Variants in NCLN observed in about 807,000 individuals in gnomAD.
The protein encoded by NCLN is nicalin, also known as BOS complex subunit NCLN.
NCLN carries 34 observed loss-of-function variants against 69.5 expected under a neutral mutation model. That is an observed-to-expected ratio of 0.49 (90% CI 0.37 to 0.65). The LOEUF (loss-of-function observed/expected upper bound fraction) is 0.65, where lower values mean the gene tolerates loss of function less well. NCLN is among the 30% of genes least tolerant of loss of function. NCLN has a pLI of 0.00. For missense variants in NCLN, 710 were observed against 804.8 expected (o/e 0.88, Z 1.42); for synonymous variants, 393 against 358.3 (o/e 1.10, Z -1.09).
Position 3,198,892 on chromosome 19 carries a change from GC to G in NCLN, c.696del (p.Trp233GlyfsTer179). 6 of 1,512,490 alleles carry G rather than the reference GC, an allele frequency of 4.0e-6. No individual in the cohort carries two copies. The highest frequency in any genetic ancestry group is 4.1e-5 in the Admixed American group (2 of 48,356). The allele number at this position is 1,512,490 out of a possible 1,614,324, so 93.7% of individuals were successfully genotyped here. A position where few individuals can be genotyped will look rare whatever the true frequency, so the allele number is the denominator to read the frequency against. On this transcript the variant is annotated frameshift_variant, in exon 5 of 15. Transcript: ENST00000246117. LOFTEE classifies it high-confidence loss of function. ...GGCCCACTACGACGCCTTTGGAGTG[GC>G]CCCCGTACGTATGTGTGTCCCCATT... ...IVAHYDAFGV[A>X]PWLSLGADSN...
At chr19:3,198,775 C>A in intron 4 of NCLN, 42 bp from the exon 5 acceptor site, 2 of 1,526,844 alleles carry the variant, frequency 1.3e-6, no homozygotes, top group Non-Finnish European at 8.9e-7. Flanking sequence ...GGGTCACCTG[C>A]CCCAGGAACA....
At chr19:3,191,573 G>T (rs943698523) in intron 1 of NCLN, among the ~76,000 whole-genome samples, 1 of 152,292 alleles carries the variant, frequency 6.6e-6, no homozygotes, top group Non-Finnish European at 1.5e-5. Context: ...CAACACAGGG[G>T]TTTAACCTGG....
At chr19:3,203,889 C>G (rs768219315) in intron 7 of NCLN, 45 bp downstream of exon 7, 1 of 1,598,004 alleles carries the variant, frequency 6.3e-7, no homozygotes, top group Admixed American at 1.7e-5. Context: ...GTGGTGGTGC[C>G]GTGGGGAGGC....
At chr19:3,197,945 C>T (rs1175432293) in intron 4 of NCLN, among the ~76,000 whole-genome samples, 1 of 152,200 alleles carries the variant, frequency 6.6e-6, no homozygotes, top group Non-Finnish European at 1.5e-5. Context: ...TTATGGCACA[C>T]AGCCATGCTG....
In NCLN at chr19:3,203,876, G is replaced by A. The variant is rs372205815; in HGVS notation, c.889+32G>A. 2.9e-5 allele frequency: 47 copies of A among 1,604,132 alleles called. No individual in the cohort carries two copies. The African/African-American group carries it at 3.2e-4, about 11-fold the overall frequency. ...GGCCCCGGGTGGGGGTGGGGGTGCC[G>A]CGGTGGTGGTGCCGTGGGGAGGCAC... On this transcript the variant is annotated intron_variant, in intron 7 of 14. Coordinates refer to ENST00000246117, the MANE Select transcript of NCLN (RefSeq NM_020170.4).
At chr19:3,190,738 G>A (rs1196037925) in intron 1 of NCLN, among the ~76,000 whole-genome samples, 1 of 147,564 alleles carries the variant, frequency 6.8e-6, no homozygotes, top group African/African-American at 2.6e-5. Context: ...GCCCGCCCCC[G>A]GCCCCCCTGC....
rs754320626 is a variant in NCLN at position 3,203,999 on chromosome 19, C to T, written c.890-6C>T. Reference sequence around the variant, plus strand: ...ACCCACCCCGCCAGCTCTCGGTGTCCTGCAGACTCCAGCCTGCTTCAGGAC... The same window carrying T: ...ACCCACCCCGCCAGCTCTCGGTGTCTTGCAGACTCCAGCCTGCTTCAGGAC... On this transcript the variant is annotated splice_region_variant and splice_polypyrimidine_tract_variant and intron_variant, in intron 7 of 14. Transcript: ENST00000246117. The T allele has an allele frequency of 3.8e-6, 6 of 1,564,256 alleles. No individual in the cohort carries two copies. The highest frequency in any genetic ancestry group is 1.8e-4 in the Middle Eastern group (1 of 5,520).
In NCLN at chr19:3,207,602, C is replaced by G. The variant is rs766877934; in HGVS notation, c.1633-27C>G. ...CCTGGGGCTCTGGCCCCGCCCACAT[C>G]CTCACTCCCTCCTGCTGTGTCCCCA... On this transcript the variant is annotated intron_variant, in intron 14 of 14. Transcript: ENST00000246117. The G allele has an allele frequency of 1.9e-6, 3 of 1,612,174 alleles. No individual in the cohort carries two copies. In the African/African-American group the frequency reaches 4.0e-5, roughly 21 times the overall value.
chr19:3,189,892 C>T (rs113843334), intron 1 of NCLN, among the ~76,000 whole-genome samples: 32 of 152,338 alleles, frequency 2.1e-4, no homozygotes, highest in African/African-American at 7.0e-4. Context: ...GGCGGGGCTC[C>T]GATGGGCGGG....
Position 3,193,273 on chromosome 19 carries a change from C to T in NCLN, c.376-11C>T, listed in dbSNP as rs1446839998. ...GGCCAGCAGCCCCCTAAGTGTGTGTCTGCTCCACAGCAATTCATGGAGATC... is the reference window on the plus strand; with the variant it reads ...GGCCAGCAGCCCCCTAAGTGTGTGTTTGCTCCACAGCAATTCATGGAGATC... On this transcript the variant is annotated splice_polypyrimidine_tract_variant and intron_variant, in intron 2 of 14. Transcript: ENST00000246117. 1.2e-6 allele frequency: 2 copies of T among 1,607,462 alleles called. No individual in the cohort carries two copies. Among genetic ancestry groups the T allele is most frequent in the Non-Finnish European group, 1.7e-6 (2 of 1,177,732 alleles).
intron 4 of NCLN, among the ~76,000 whole-genome samples, chr19:3,197,219 G>A (rs1915986483): frequency 6.6e-6 from 1 of 152,238 alleles, no homozygotes; most frequent in Non-Finnish European, 1.5e-5. Flanking sequence ...CACAGGCGCT[G>A]GGCTCCGCAT....
At chr19:3,199,689 CTTTTTTTTTTTTTT>C (rs71164662) in intron 5 of NCLN, among the ~76,000 whole-genome samples, 2 of 69,526 alleles carry the variant, frequency 2.9e-5, no homozygotes, top group Admixed American at 3.3e-4. Flanking sequence ...CTGCCTCCTC[CTTTTTTTTTTTTTT>C]TTTTTTTTTT....
intron 1 of NCLN, among the ~76,000 whole-genome samples, chr19:3,187,288 C>T (rs1915695647): frequency 1.3e-5 from 2 of 152,252 alleles, no homozygotes; most frequent in South Asian, 4.1e-4. Flanking sequence ...CTGTCCCTGA[C>T]ATTCCAGAAC....
At chr19:3,186,696 C>T (rs1046982801) in intron 1 of NCLN, among the ~76,000 whole-genome samples, 13 of 152,204 alleles carry the variant, frequency 8.5e-5, no homozygotes, top group Non-Finnish European at 2.9e-5. Flanking sequence ...TTCACTGGGT[C>T]ACGTCCGTGT....
chr19:3,193,726 G>A (rs1051172868), intron 3 of NCLN, among the ~76,000 whole-genome samples: 1 of 152,230 alleles, frequency 6.6e-6, no homozygotes, highest in African/African-American at 2.4e-5. Flanking sequence ...TCAGGGGCTC[G>A]GGGTTTATGA....
chr19:3,208,701 C>T lies in NCLN; in HGVS notation c.*1013C>T, dbSNP rs1480886125. 6.6e-6 allele frequency: 1 copy of T among 152,336 alleles called. No homozygotes were observed. Among genetic ancestry groups the T allele is most frequent in the Non-Finnish European group, 1.5e-5 (1 of 68,250 alleles). The allele number at this position is 152,336 out of a possible 1,614,324, so 9.4% of individuals were successfully genotyped here. A position where few individuals can be genotyped will look rare whatever the true frequency, so the allele number is the denominator to read the frequency against. ...GGCCTTGTGGCTCCTCCCCTCGCTC[C>T]TCGCCCTGGGCCTCAGCTTCCTCAT... is the stretch of plus-strand genomic sequence containing the variant. On this transcript the variant is annotated 3_prime_UTR_variant, in exon 15 of 15. Transcript: ENST00000246117.
At chr19:3,204,198 G>T in intron 8 of NCLN, 54 bp downstream of exon 8, 1 of 1,472,524 alleles carries the variant, frequency 6.8e-7, no homozygotes, top group East Asian at 2.4e-5. Context: ...CACACATCGG[G>T]GCCGGGTTGG....
intron 6 of NCLN, among the ~76,000 whole-genome samples, chr19:3,203,334 CTTCT>C (rs1404189610): frequency 1.3e-5 from 2 of 152,088 alleles, no homozygotes; most frequent in African/African-American, 4.8e-5. Context: ...AAGAATTCTT[CTTCT>C]TTAAGTGAAT....
intron 3 of NCLN, among the ~76,000 whole-genome samples, chr19:3,193,997 C>A (rs958698101): frequency 2.6e-5 from 4 of 152,196 alleles, no homozygotes; most frequent in African/African-American, 9.7e-5. Flanking sequence ...AGCTGAGGGG[C>A]TTGCCCGGGG....
Sources: gnomAD v4.1 joint callset for allele counts (sites outside exome capture counted in the v4.1 genomes callset) on GRCh38, gnomAD v4.1.1 for gene constraint, MANE v1.5 for transcripts, NCBI Gene and HGNC (gene_info 2026-07-23, HGNC 2026-07-21) for gene names.